The following NUP153 variants were observed in gnomAD, a reference collection of about 807,000 sequenced individuals.
NUP153 encodes the protein nucleoporin 153, also known as nuclear pore complex protein Nup153.
Under a neutral mutation model 134.6 loss-of-function variants are expected in NUP153, and 27 were observed. That is an observed-to-expected ratio of 0.20 (90% confidence interval 0.15 to 0.28). NUP153 has a LOEUF of 0.28. NUP153 is among the 10% of genes least tolerant of loss of function. The pLI, the probability that NUP153 is intolerant of heterozygous loss-of-function variation, is 1.00. For missense variants in NUP153, 1,821 were observed against 1,731.3 expected, an observed-to-expected ratio of 1.05 and a Z score of -0.92; for synonymous variants, 640 against 623.5, an observed-to-expected ratio of 1.03 and a Z score of -0.40.
At chr6:17,660,104 G>C (rs1440463620) in intron 11 of NUP153, among the ~76,000 whole-genome samples, 2 of 152,170 alleles carry the variant, frequency 1.3e-5, no homozygotes, top group South Asian at 2.1e-4. Flanking sequence ...AGTACTGCTA[G>C]CTAGGAAAAG....
chr6:17,696,580 C>T, intron 1 of NUP153, among the ~76,000 whole-genome samples: 1 of 151,800 alleles, frequency 6.6e-6, no homozygotes, highest in South Asian at 2.1e-4. Context: ...ACGGTGAAAC[C>T]CCGTCTCTAT....
At chr6:17,620,091 C>T (rs1764566612) in intron 20 of NUP153, among the ~76,000 whole-genome samples, 1 of 61,112 alleles carries the variant, frequency 1.6e-5, no homozygotes, top group Non-Finnish European at 3.0e-5. Flanking sequence ...GAGCAAGACA[C>T]CATCAAAAAA....
intron 2 of NUP153, 94 bp downstream of exon 2, chr6:17,688,302 A>G (rs1769064683): frequency 1.2e-6 from 1 of 854,102 alleles, no homozygotes; most frequent in Non-Finnish European, 1.9e-6. Flanking sequence ...TGGTTTATGT[A>G]CCGCCTGATT....
intron 18 of NUP153, among the ~76,000 whole-genome samples, 160 bp from the exon 19 acceptor site, chr6:17,626,324 T>C (rs1419615304): frequency 6.6e-6 from 1 of 152,242 alleles, no homozygotes; most frequent in African/African-American, 2.4e-5. Context: ...CTGTTTATAT[T>C]AGATTTTGAC....
intron 11 of NUP153, among the ~76,000 whole-genome samples, chr6:17,654,125 G>T (rs545213068): frequency 1.3e-5 from 2 of 152,150 alleles, no homozygotes; most frequent in Non-Finnish European, 2.9e-5. Flanking sequence ...TTTCATGTTT[G>T]AAATTTGTCA....
Position 17,702,114 on chromosome 6 carries a change from C to A in NUP153, c.111+4163G>T, listed in dbSNP as rs569661061. On this transcript the variant is annotated intron_variant, in intron 1 of 21. Transcript: ENST00000262077. ...CAGCCTGACCTCTCCAAAGAGCTGA[C>A]TTTCTGTGCCTGACAATCTGAACAA... Among the ~76,000 whole-genome samples, 4 of 152,268 alleles carry A rather than the reference C, an allele frequency of 2.6e-5. No homozygotes were observed. The East Asian group carries it at 7.7e-4, about 29-fold the overall frequency.
intron 1 of NUP153, among the ~76,000 whole-genome samples, chr6:17,703,388 TTAAC>T (rs560410069): frequency 1.6e-4 from 25 of 152,184 alleles, no homozygotes; most frequent in African/African-American, 5.1e-4. Context: ...CAAACATCCA[TTAAC>T]TAACAGCGCC....
In NUP153 at chr6:17,675,874, A is replaced by G. The variant is rs1356394465; in HGVS notation, c.335-104T>C. On this transcript the variant is annotated intron_variant, in intron 2 of 21. Transcript: ENST00000262077. The surrounding 1 kb of genome is among the most constrained non-coding windows in gnomAD (Gnocchi z 4.4). ...ACACATTACAGTATATAATAGCTTC[A>G]ATTCAAATCACTGGGGCATCCCATA... The G allele has an allele frequency of 8.2e-6, 9 of 1,094,084 alleles. No individual in the cohort carries two copies. Among genetic ancestry groups the G allele is most frequent in the Non-Finnish European group, 1.1e-5 (8 of 735,096 alleles). 67.8% of individuals were successfully genotyped at this position (1,094,084 alleles called of 1,614,324 possible). A position where few individuals can be genotyped will look rare whatever the true frequency, so the allele number is the denominator to read the frequency against.
At chr6:17,660,614 GA>G (rs1311116946) in intron 11 of NUP153, among the ~76,000 whole-genome samples, 1 of 151,274 alleles carries the variant, frequency 6.6e-6, no homozygotes, top group African/African-American at 2.4e-5. Context: ...ATCCCTACAG[GA>G]AATAACCCCA....
intron 12 of NUP153, among the ~76,000 whole-genome samples, chr6:17,648,861 A>G (rs1561873949): frequency 6.6e-6 from 1 of 152,112 alleles, no homozygotes; most frequent in African/African-American, 2.4e-5. Flanking sequence ...AGAAGTAAAA[A>G]CATGAAACAT....
chr6:17,616,649 T>G lies in NUP153; in HGVS notation c.4221A>C (p.Thr1407=). 14 of 1,613,924 alleles carry G rather than the reference T, an allele frequency of 8.7e-6. No homozygotes were observed. The highest frequency in any genetic ancestry group is 1.1e-5 in the Non-Finnish European group (13 of 1,179,842). Residue 1407 remains threonine, a synonymous_variant, in exon 21 of 22, where the codon ACA becomes ACC. Transcript: ENST00000262077. ...TGAACACTCCTGATGGACTGTTGTT[T>G]GTGAAGTTGAAATTTGTAGTGCTGC... ...FGSSTTNFNF[T]NNSPSGVFTF...
At chr6:17,644,978 C>T (rs954281363) in intron 14 of NUP153, among the ~76,000 whole-genome samples, 3 of 151,708 alleles carry the variant, frequency 2.0e-5, no homozygotes, top group African/African-American at 4.8e-5. Flanking sequence ...GCCAGCTACT[C>T]GGGAGGTTGA....
chr6:17,625,985 T>TACC lies in NUP153; in HGVS notation c.3721_3723dup (p.Gly1241dup). On this transcript the variant is annotated inframe_insertion, in exon 19 of 22. Coordinates refer to ENST00000262077, the MANE Select transcript of NUP153 (RefSeq NM_005124.4). The surrounding 1 kb of genome is among the most constrained non-coding windows in gnomAD (Gnocchi z 4.7). Reference sequence around the variant, plus strand: ...TGAGAGGTGCTGGATTCAGCAGTGTTACCAAAGGCAGAGCTGCTCACAGGA... The same window carrying TACC: ...TGAGAGGTGCTGGATTCAGCAGTGTTACCACCAAAGGCAGAGCTGCTCACAGGA... The TACC allele has an allele frequency of 6.2e-7, 1 of 1,614,192 alleles. No individual in the cohort carries two copies. Among genetic ancestry groups the TACC allele is most frequent in the Non-Finnish European group, 8.5e-7 (1 of 1,180,032 alleles).
chr6:17,672,270 G>A (rs1394409615), intron 5 of NUP153, among the ~76,000 whole-genome samples: 9 of 152,152 alleles, frequency 5.9e-5, no homozygotes, highest in Non-Finnish European at 7.4e-5. Flanking sequence ...ATAAAGCCAT[G>A]TGAACTGGAT....
At position 17,706,817 on chromosome 6, in the gene NUP153, T is replaced by A. The variant is rs1268535150; in HGVS notation, c.-430A>T. On this transcript the variant is annotated 5_prime_UTR_variant, in exon 1 of 22. Coordinates refer to ENST00000262077, the MANE Select transcript of NUP153 (RefSeq NM_005124.4). The surrounding 1 kb of genome is among the most constrained non-coding windows in gnomAD (Gnocchi z 5.9). ...GCGACGCCCGCCTACCCCTCCCCTG[T>A]GCGCACAGCGCCCGCCCCGCCGCCG... 1.8e-5 allele frequency: 3 copies of A among 170,732 alleles called. No homozygotes were observed. The highest frequency in any genetic ancestry group is 1.2e-4 in the Admixed American group (2 of 16,086). The allele number at this position is 170,732 out of a possible 1,614,324, so 10.6% of individuals were successfully genotyped here. A position where few individuals can be genotyped will look rare whatever the true frequency, so the allele number is the denominator to read the frequency against.
chr6:17,637,803 G>A lies in NUP153; in HGVS notation c.1847-33C>T, dbSNP rs765089329. The A allele has an allele frequency of 2.3e-5, 36 of 1,551,166 alleles. No individual in the cohort carries two copies. In the South Asian group the frequency reaches 3.3e-4, roughly 14 times the overall value. On this transcript the variant is annotated intron_variant, in intron 15 of 21. Transcript: ENST00000262077. The stretch of plus-strand genomic sequence containing the variant: ...GAACGAAGGAGAGAGTGCAACGTTA[G>A]AGAAGCTTTATAAATCAAAGCATTA...
chr6:17,692,138 T>C (rs1769317758), intron 1 of NUP153, among the ~76,000 whole-genome samples: 1 of 152,182 alleles, frequency 6.6e-6, no homozygotes, highest in Non-Finnish European at 1.5e-5. Context: ...GTGGCAACAT[T>C]AGGTATCTTC....
rs555134793 is a variant in NUP153, at chr6:17,702,154, A to T, written c.111+4123T>A. Among the ~76,000 whole-genome samples, 3 of 152,272 alleles carry T rather than the reference A, an allele frequency of 2.0e-5. No homozygotes were observed. In the East Asian group the frequency reaches 5.8e-4, roughly 29 times the overall value. ...AATCTGAACAAAAAGGAAATGGAAA[A>T]GGAAGACAGGAACTAACCACATTCT... On this transcript the variant is annotated intron_variant, in intron 1 of 21. Coordinates refer to ENST00000262077, the MANE Select transcript of NUP153 (RefSeq NM_005124.4).
intron 9 of NUP153, among the ~76,000 whole-genome samples, chr6:17,664,411 G>T (rs1471186068): frequency 6.6e-6 from 1 of 152,156 alleles, no homozygotes; most frequent in Non-Finnish European, 1.5e-5. Context: ...AACCAATGTG[G>T]CCAGGGTGAG....
Sources: gnomAD v4.1 joint callset for allele counts (sites outside exome capture counted in the v4.1 genomes callset) on GRCh38, gnomAD v4.1.1 for gene constraint, Gnocchi (gnomAD v3.1) non-coding constraint, MANE v1.5 for transcripts, NCBI Gene and HGNC (gene_info 2026-07-23, HGNC 2026-07-21) for gene names.